Variants in ESYT1 observed in about 807,000 individuals in gnomAD.
ESYT1 encodes extended synaptotagmin 1.
Under a neutral mutation model 154.2 loss-of-function variants are expected in ESYT1, and 116 were observed. That is an observed-to-expected ratio of 0.75 (90% CI 0.65 to 0.88). ESYT1 has a LOEUF of 0.88. Ranked by LOEUF, ESYT1 falls within the 40% of genes least tolerant of loss-of-function variation. ESYT1 has a pLI of 0.00. For missense variants in ESYT1, 1,264 were observed against 1,379.3 expected, an observed-to-expected ratio of 0.92 and a Z score of 1.32; for synonymous variants, 500 against 539.9, an observed-to-expected ratio of 0.93 and a Z score of 1.02.
chr12:56,139,108 G>A, intron 24 of ESYT1, 95 bp downstream of exon 24: 2 of 886,586 alleles, frequency 2.3e-6, no homozygotes, highest in Non-Finnish European at 3.5e-6. Context: ...ATAAAAGGTT[G>A]ACTTTTTTTT....
At chr12:56,138,299 G>C in intron 21 of ESYT1, 27 bp downstream of exon 21, 1 of 1,613,844 alleles carries the variant, frequency 6.2e-7, no homozygotes, top group Non-Finnish European at 8.5e-7. Context: ...GAGGAAGGAA[G>C]GGACCCAAGG....
In ESYT1 at chr12:56,144,348, A is replaced by G; in HGVS notation, c.*486A>G. 2.1e-5 allele frequency: 21 copies of G among 1,011,168 alleles called. No homozygotes were observed. Among genetic ancestry groups the G allele is most frequent in the Non-Finnish European group, 2.0e-5 (17 of 844,338 alleles). 62.6% of individuals were successfully genotyped at this position (1,011,168 alleles called of 1,614,324 possible). On this transcript the variant is annotated 3_prime_UTR_variant, in exon 31 of 31. Transcript: ENST00000394048. Reference sequence around the variant, plus strand: ...GCATGTAGCAAATGTTCAGCAGCTCAGGCCCCCATGTCCAGTTCTGTCCCC... The same window carrying G: ...GCATGTAGCAAATGTTCAGCAGCTCGGGCCCCCATGTCCAGTTCTGTCCCC...
chr12:56,130,778 T>G lies in ESYT1; in HGVS notation c.433-13T>G. Reference sequence around the variant, plus strand: ...GACTGGACTCTCCTCTGACCATCTCTCTTTCCTCCCAGATTGTGGCCCAGG... The same window carrying G: ...GACTGGACTCTCCTCTGACCATCTCGCTTTCCTCCCAGATTGTGGCCCAGG... On this transcript the variant is annotated splice_polypyrimidine_tract_variant and intron_variant, in intron 2 of 30. Coordinates refer to ENST00000394048, the MANE Select transcript of ESYT1 (RefSeq NM_015292.3). 1 of 1,613,750 alleles carries G rather than the reference T, an allele frequency of 6.2e-7. No individual in the cohort carries two copies. Among genetic ancestry groups the G allele is most frequent in the Non-Finnish European group, 8.5e-7 (1 of 1,179,962 alleles).
rs368392769 is a variant in ESYT1, at chr12:56,134,105, C to G, written c.1474-5C>G. ...ATGGTGACCTCTGAATTGTACCCAC[C>G]ACAGCTGAAGAAGGGGAACAAGGAA... On this transcript the variant is annotated splice_polypyrimidine_tract_variant and splice_region_variant and intron_variant, in intron 13 of 30. Coordinates refer to ENST00000394048, the MANE Select transcript of ESYT1 (RefSeq NM_015292.3). The G allele has an allele frequency of 2.5e-6, 4 of 1,613,872 alleles. No individual in the cohort carries two copies. The highest frequency in any genetic ancestry group is 3.4e-6 in the Non-Finnish European group (4 of 1,179,984).
In ESYT1 at chr12:56,138,276, G is replaced by C. The variant is rs1227877693; in HGVS notation, c.2337+4G>C. ...CACTGCTGCTGAGTTAGAGGAGGTA[G>C]GGCAGGAGACTTGAGGAAGGAAGGG... On this transcript the variant is annotated splice_donor_region_variant and intron_variant, in intron 21 of 30. Transcript: ENST00000394048. The C allele has an allele frequency of 1.2e-6, 2 of 1,614,186 alleles. No individual in the cohort carries two copies. Among genetic ancestry groups the C allele is most frequent in the East Asian group, 2.2e-5 (1 of 44,884 alleles).
chr12:56,137,763 A>T, intron 18 of ESYT1, 69 bp from the exon 19 acceptor site: 1 of 1,611,096 alleles, frequency 6.2e-7, no homozygotes, highest in Non-Finnish European at 8.5e-7. Context: ...GGTTCAGTTG[A>T]CTGGGGGGTC....
rs892761948 is a variant in ESYT1 at position 56,132,582 on chromosome 12, G to A, written c.1146G>A (p.Trp382Ter). 1.2e-6 allele frequency: 2 copies of A among 1,614,084 alleles called. No individual in the cohort carries two copies. The highest frequency in any genetic ancestry group is 2.7e-5 in the African/African-American group (2 of 74,932). The stretch of plus-strand genomic sequence containing the variant: ...TTGATGAAGAACTCAACCCACAGTG[G>A]GGAGAGACTTATGAGGTGGGAGAGT... ...RVIDEELNPQ[W>*]GETYEVMVHE... Residue 382 changes from tryptophan to a stop codon, truncating the protein, a stop_gained, in exon 9 of 31, where the codon TGG becomes TGA. Coordinates refer to ENST00000394048, the MANE Select transcript of ESYT1 (RefSeq NM_015292.3). LOFTEE classifies it high-confidence loss of function.
In ESYT1 at chr12:56,144,374, A is replaced by G; in HGVS notation, c.*512A>G. 2 of 996,670 alleles carry G rather than the reference A, an allele frequency of 2.0e-6. No homozygotes were observed. Among genetic ancestry groups the G allele is most frequent in the Non-Finnish European group, 2.4e-6 (2 of 836,014 alleles). 61.7% of individuals were successfully genotyped at this position (996,670 alleles called of 1,614,324 possible). On this transcript the variant is annotated 3_prime_UTR_variant, in exon 31 of 31. Transcript: ENST00000394048. The stretch of plus-strand genomic sequence containing the variant: ...GGCCCCCATGTCCAGTTCTGTCCCC[A>G]CTGTCCTCAACCCTGTCCTGAAAAT...
chr12:56,136,037 G>T (rs1213431298), intron 15 of ESYT1, among the ~76,000 whole-genome samples: 1 of 144,506 alleles, frequency 6.9e-6, no homozygotes, highest in Non-Finnish European at 1.5e-5. Context: ...TCTAGCCTGG[G>T]TGACAGAGCA....
At chr12:56,136,433 T>A (rs1870455690) in intron 15 of ESYT1, among the ~76,000 whole-genome samples, 1 of 151,596 alleles carries the variant, frequency 6.6e-6, no homozygotes, top group Non-Finnish European at 1.5e-5. Flanking sequence ...TACTAAAAAA[T>A]ACAAAAATTT....
intron 1 of ESYT1, 46 bp from the exon 2 acceptor site, chr12:56,130,536 G>A: frequency 1.2e-6 from 2 of 1,611,678 alleles, no homozygotes; most frequent in Non-Finnish European, 1.7e-6. Flanking sequence ...GAAACCAGAG[G>A]CGAGGGTGTG....
chr12:56,130,541 G>C (rs535359657), intron 1 of ESYT1, 41 bp from the exon 2 acceptor site: 1 of 1,612,600 alleles, frequency 6.2e-7, no homozygotes, highest in African/African-American at 1.3e-5. Context: ...CAGAGGCGAG[G>C]GTGTGCTGCA....
intron 24 of ESYT1, among the ~76,000 whole-genome samples, chr12:56,139,803 G>A (rs557634548): frequency 2.6e-5 from 4 of 151,752 alleles, no homozygotes; most frequent in Non-Finnish European, 5.9e-5. Flanking sequence ...GGCCAGGCTG[G>A]TCTTGAACTC....
rs778029491 is a variant in ESYT1, at chr12:56,142,861, T to TG, written c.2918dup (p.Gln974ProfsTer11). Reference sequence around the variant, plus strand: ...CCCCTTGAGGCTCCAGCCGGGCCTCTGGGCCAGGTGAAACTGACTCTGTGG... The same window carrying TG: ...CCCCTTGAGGCTCCAGCCGGGCCTCTGGGGCCAGGTGAAACTGACTCTGTGG... On this transcript the variant is annotated frameshift_variant, in exon 27 of 31. Coordinates refer to ENST00000394048, the MANE Select transcript of ESYT1 (RefSeq NM_015292.3). LOFTEE classifies it high-confidence loss of function. This position sits in a 1 kb window ranked among gnomAD's most constrained non-coding sequence, Gnocchi z 4.1. 1.2e-6 allele frequency: 2 copies of TG among 1,614,210 alleles called. No individual in the cohort carries two copies. Among genetic ancestry groups the TG allele is most frequent in the Admixed American group, 3.3e-5 (2 of 60,028 alleles).
chr12:56,135,335 ATT>A (rs898549013), intron 15 of ESYT1, among the ~76,000 whole-genome samples: 1 of 149,942 alleles, frequency 6.7e-6, no homozygotes, highest in Non-Finnish European at 1.5e-5. Context: ...TGCCTGGCTA[ATT>A]TTTTTTGTAT....
chr12:56,133,819 TC>T lies in ESYT1; in HGVS notation c.1424del (p.Pro475ArgfsTer6). ...ATTGGGGAGTCTCCTCTCGACCAGA[TC>T]CCCCGTCAGCTGCCATCTTAGTTGT... ...WNWGVSSRPD[P>X]PSAAILVVYL... On this transcript the variant is annotated frameshift_variant, in exon 13 of 31. Coordinates refer to ENST00000394048, the MANE Select transcript of ESYT1 (RefSeq NM_015292.3). LOFTEE classifies it high-confidence loss of function. 1 of 1,614,096 alleles carries T rather than the reference TC, an allele frequency of 6.2e-7. No individual in the cohort carries two copies. The highest frequency in any genetic ancestry group is 8.5e-7 in the Non-Finnish European group (1 of 1,180,014).
At position 56,128,401 on chromosome 12, in the gene ESYT1, C is replaced by T. The variant is rs752763872; in HGVS notation, c.82C>T (p.Pro28Ser). ...SAPSDPTDQP[P>S]AAHAKPDPGS... Reference sequence around the variant, plus strand: ...TCCCTCCGACCCCACTGACCAGCCCCCCGCTGCTCACGCAAAGCCAGACCC... The same window carrying T: ...TCCCTCCGACCCCACTGACCAGCCCTCCGCTGCTCACGCAAAGCCAGACCC... The change falls in exon 1 of 31, where the codon CCC (proline) becomes TCC (serine). Residue 28 changes from proline (P) to serine (S), a missense_variant. By Grantham distance (74) the Pro-to-Ser change is moderately conservative. Coordinates refer to ENST00000394048, the MANE Select transcript of ESYT1 (RefSeq NM_015292.3). 23 of 1,611,830 alleles carry T rather than the reference C, an allele frequency of 1.4e-5. No individual in the cohort carries two copies. Among genetic ancestry groups the T allele is most frequent in the Middle Eastern group, 1.6e-4 (1 of 6,066 alleles).
chr12:56,133,978 T>A, intron 13 of ESYT1, 105 bp downstream of exon 13: 1 of 1,527,596 alleles, frequency 6.5e-7, no homozygotes, highest in Non-Finnish European at 9.1e-7. Flanking sequence ...AGTATCAGCA[T>A]GTAACATAAG....
Position 56,144,652 on chromosome 12 carries a change from C to G in ESYT1, c.*790C>G. 1.0e-6 allele frequency: 1 copy of G among 985,438 alleles called. No individual in the cohort carries two copies. Among genetic ancestry groups the G allele is most frequent in the Non-Finnish European group, 1.2e-6 (1 of 829,930 alleles). 61.0% of individuals were successfully genotyped at this position (985,438 alleles called of 1,614,324 possible). A position where few individuals can be genotyped will look rare whatever the true frequency, so the allele number is the denominator to read the frequency against. ...AACTCTGCCAAGCCACTGGATCTTACATTAAACATCATACTCAAACCAGCT... is the reference window on the plus strand; with the variant it reads ...AACTCTGCCAAGCCACTGGATCTTAGATTAAACATCATACTCAAACCAGCT... On this transcript the variant is annotated 3_prime_UTR_variant, in exon 31 of 31. Coordinates refer to ENST00000394048, the MANE Select transcript of ESYT1 (RefSeq NM_015292.3).
Sources: allele counts gnomAD v4.1 joint callset (sites outside exome capture counted in the v4.1 genomes callset), GRCh38; gene constraint gnomAD v4.1.1; non-coding constraint Gnocchi (gnomAD v3.1); transcripts MANE v1.5; gene names NCBI Gene and HGNC (gene_info 2026-07-23, HGNC 2026-07-21).